Variants in RNGTT observed in about 807,000 individuals in gnomAD.
The protein encoded by RNGTT is mRNA-capping enzyme.
RNGTT carries 33 observed loss-of-function variants against 79.3 expected under a neutral mutation model. That is an observed-to-expected ratio of 0.42 (90% CI 0.32 to 0.56). The LOEUF is 0.56. RNGTT is among the 20% of genes least tolerant of loss of function. The probability of loss-of-function intolerance (pLI) is 0.17; values close to 1 mark genes in which losing one functional copy is unlikely to be tolerated. For synonymous variants in RNGTT, 222 were observed against 235.9 expected, an observed-to-expected ratio of 0.94 and a Z score of 0.54; for missense variants, 497 against 739.1, an observed-to-expected ratio of 0.67 and a Z score of 3.80.
chr6:88,810,085 TA>T lies in RNGTT; in HGVS notation c.1270-8454del, dbSNP rs995838237. 3.6e-3 allele frequency among the ~76,000 whole-genome samples: 552 copies of T among 151,834 alleles called. 5 individuals are homozygous for T. The highest frequency in any genetic ancestry group is 4.3e-3 in the Non-Finnish European group (295 of 67,916). Reference sequence around the variant, plus strand: ...AAAAATTTTTTACCCATTTTTATAATAAAAAAAATTAAGAAAAAGGTTACAA... The same window carrying T: ...AAAAATTTTTTACCCATTTTTATAATAAAAAAATTAAGAAAAAGGTTACAA... On this transcript the variant is annotated intron_variant, in intron 11 of 15. Transcript: ENST00000369485.
At chr6:88,664,775 C>T (rs1017931808) in intron 14 of RNGTT, among the ~76,000 whole-genome samples, 4 of 152,072 alleles carry the variant, frequency 2.6e-5, no homozygotes, top group African/African-American at 9.7e-5. Flanking sequence ...GTTATTGGAC[C>T]GAAGGGGACC....
At chr6:88,805,163 C>T (rs927632179) in intron 11 of RNGTT, among the ~76,000 whole-genome samples, 8 of 152,144 alleles carry the variant, frequency 5.3e-5, no homozygotes, top group Non-Finnish European at 1.2e-4. Context: ...ACCAAATAAA[C>T]TGAATCCCAG....
At chr6:88,961,514 G>A (rs1785623021) in intron 1 of RNGTT, among the ~76,000 whole-genome samples, 1 of 151,262 alleles carries the variant, frequency 6.6e-6, no homozygotes, top group Non-Finnish European at 1.5e-5. Flanking sequence ...TCAGCTCACT[G>A]CAACCTCCGT....
intron 2 of RNGTT, among the ~76,000 whole-genome samples, chr6:88,934,193 G>C (rs1036582883): frequency 3.3e-5 from 5 of 152,040 alleles, no homozygotes; most frequent in African/African-American, 4.8e-5. Flanking sequence ...CCTCATGCCT[G>C]GCTAATTTTT....
intron 4 of RNGTT, 102 bp downstream of exon 4, chr6:88,928,882 TA>T: frequency 1.3e-6 from 1 of 778,242 alleles, no homozygotes; most frequent in Non-Finnish European, 2.1e-6. Context: ...GGTCATTATT[TA>T]AAACAGAAAA....
chr6:88,867,434 G>A (rs528425026), intron 8 of RNGTT, among the ~76,000 whole-genome samples: 19 of 152,188 alleles, frequency 1.2e-4, no homozygotes, highest in Non-Finnish European at 1.8e-4. Flanking sequence ...AGTGAGCCGA[G>A]ATCATGGCAC....
At chr6:88,847,375 T>C (rs1781519662) in intron 10 of RNGTT, among the ~76,000 whole-genome samples, 1 of 152,100 alleles carries the variant, frequency 6.6e-6, no homozygotes, top group Admixed American at 6.6e-5. Flanking sequence ...AAAAGATGAT[T>C]GATGAAATTC....
At chr6:88,797,688 C>A (rs1779642771) in intron 12 of RNGTT, among the ~76,000 whole-genome samples, 1 of 151,686 alleles carries the variant, frequency 6.6e-6, no homozygotes, top group African/African-American at 2.4e-5. Context: ...AAAGAAAATA[C>A]AATTGTATAC....
rs535806269 is a variant in RNGTT at position 88,867,964 on chromosome 6, G to A, written c.897-14200C>T. Among the ~76,000 whole-genome samples, 9 of 152,248 alleles carry A rather than the reference G, an allele frequency of 5.9e-5. No homozygotes were observed. In the South Asian group the frequency reaches 1.0e-3, roughly 18 times the overall value. Reference sequence around the variant, plus strand: ...TACTATAGGGTTTTCCTGTGCCTCCGGCTGGGAAAGCCCCTTAGGCTTAGC... The same window carrying A: ...TACTATAGGGTTTTCCTGTGCCTCCAGCTGGGAAAGCCCCTTAGGCTTAGC... On this transcript the variant is annotated intron_variant, in intron 8 of 15. Coordinates refer to ENST00000369485, the MANE Select transcript of RNGTT (RefSeq NM_003800.5).
chr6:88,622,827 G>A (rs962661902), intron 14 of RNGTT, among the ~76,000 whole-genome samples: 7 of 152,026 alleles, frequency 4.6e-5, no homozygotes, highest in African/African-American at 1.2e-4. Flanking sequence ...CCATGTGCCC[G>A]GTAAGGTGTT....
At chr6:88,728,723 C>G (rs1777004797) in intron 13 of RNGTT, among the ~76,000 whole-genome samples, 1 of 152,052 alleles carries the variant, frequency 6.6e-6, no homozygotes, top group South Asian at 2.1e-4. Context: ...TTCTTTAATC[C>G]CCCGCTGCCT....
rs572422081 is a variant in RNGTT at position 88,645,735 on chromosome 6, C to CA, written c.1507-31341dup. Among the ~76,000 whole-genome samples the CA allele has an allele frequency of 1.0e-3, 156 of 152,226 alleles. 1 individual carries two copies. The East Asian group carries it at 0.025, about 25-fold the overall frequency. ...ACCATCTGATCTTTGACAAACCTGA[C>CA]AAAAACAAGAAATGAGGAAAGGATT... On this transcript the variant is annotated intron_variant, in intron 14 of 15. Coordinates refer to ENST00000369485, the MANE Select transcript of RNGTT (RefSeq NM_003800.5).
Position 88,659,384 on chromosome 6 carries a change from G to T in RNGTT, c.1506+18969C>A, listed in dbSNP as rs567627354. Among the ~76,000 whole-genome samples the T allele has an allele frequency of 2.0e-5, 3 of 152,178 alleles. No individual in the cohort carries two copies. The East Asian group carries it at 5.8e-4, about 29-fold the overall frequency. On this transcript the variant is annotated intron_variant, in intron 14 of 15. Transcript: ENST00000369485. ...AGAGAAAGGTAAAAATCAACTTAAA[G>T]AAATTTTTTAAAAATACAGGATATG... is the stretch of plus-strand genomic sequence containing the variant.
At chr6:88,848,175 A>G (rs1781548737) in intron 10 of RNGTT, among the ~76,000 whole-genome samples, 1 of 152,106 alleles carries the variant, frequency 6.6e-6, no homozygotes, top group Non-Finnish European at 1.5e-5. Flanking sequence ...TTTCACACAC[A>G]TCAAATTGGT....
chr6:88,632,362 G>GA (rs1772923066), intron 14 of RNGTT, among the ~76,000 whole-genome samples: 2 of 152,236 alleles, frequency 1.3e-5, no homozygotes, highest in South Asian at 4.1e-4. Flanking sequence ...CCAGGGTCCA[G>GA]ACTTGCAGCA....
intron 14 of RNGTT, 70 bp from the exon 15 acceptor site, chr6:88,614,465 G>A (rs2127845229): frequency 2.1e-6 from 3 of 1,434,488 alleles, no homozygotes; most frequent in Non-Finnish European, 2.9e-6. Flanking sequence ...CTATGTGACA[G>A]GCACATTAGG....
chr6:88,647,715 A>AAAAAAAAAAAAAAAAAAAAAAAAG (rs531898293), intron 14 of RNGTT, among the ~76,000 whole-genome samples: 7 of 142,502 alleles, frequency 4.9e-5, no homozygotes, highest in African/African-American at 1.8e-4. Context: ...AAAAAAAAAA[A>AAAAAAAAAAAAAAAAAAAAAAAAG]AAGAAGAAGA....
intron 12 of RNGTT, among the ~76,000 whole-genome samples, chr6:88,798,012 A>G (rs1779657278): frequency 6.6e-6 from 1 of 151,578 alleles, no homozygotes; most frequent in Non-Finnish European, 1.5e-5. Context: ...AGAAAAAGGT[A>G]AGAGACTGTT....
intron 6 of RNGTT, among the ~76,000 whole-genome samples, chr6:88,894,568 G>A (rs1783165237): frequency 6.6e-6 from 1 of 152,134 alleles, no homozygotes; most frequent in Admixed American, 6.6e-5. Context: ...GGCATGCCTT[G>A]CAAGGCCTGA....
Sources: allele counts gnomAD v4.1 joint callset (sites outside exome capture counted in the v4.1 genomes callset), GRCh38; gene constraint gnomAD v4.1.1; transcripts MANE v1.5; gene names NCBI Gene and HGNC (gene_info 2026-07-23, HGNC 2026-07-21).